The following AFTPH variants were observed in gnomAD, a reference collection of about 807,000 sequenced individuals.
AFTPH encodes the protein aftiphilin.
A neutral mutation model predicts 72.5 loss-of-function variants in AFTPH; 7 were observed. That is an observed-to-expected ratio of 0.10 (90% CI 0.05 to 0.18). The LOEUF is 0.18. Among genes scored for constraint, AFTPH ranks in the 10% least tolerant of loss-of-function variants. AFTPH has a pLI of 1.00. For synonymous variants in AFTPH, 337 were observed against 370.1 expected (o/e 0.91, Z 1.03); for missense variants, 979 against 1,060.5 (o/e 0.92, Z 1.07).
In AFTPH at chr2:64,559,386, G is replaced by A. The variant is rs577810477; in HGVS notation, c.1935+5977G>A. On this transcript the variant is annotated intron_variant, in intron 2 of 8. Coordinates refer to ENST00000238856, the Ensembl canonical transcript of AFTPH. ...CAAAAGCCACAGTGCATAAGCTGGA[G>A]ACCCAAGAGCTGATGGTGTAGTTCC... Among the ~76,000 whole-genome samples, 15 of 152,280 alleles carry A rather than the reference G, an allele frequency of 9.9e-5. No individual in the cohort carries two copies. The East Asian group carries it at 2.9e-3, about 29-fold the overall frequency.
At chr2:64,581,165 A>T in intron 7 of AFTPH, 25 bp from the exon 8 acceptor site, 1 of 1,567,604 alleles carries the variant, frequency 6.4e-7, no homozygotes, top group Non-Finnish European at 8.7e-7. Context: ...GTGGCTGCCT[A>T]CCAACACGGT....
At chr2:64,578,187 T>C (rs2104160924) in intron 6 of AFTPH, among the ~76,000 whole-genome samples, 1 of 151,732 alleles carries the variant, frequency 6.6e-6, no homozygotes, top group East Asian at 1.9e-4. Flanking sequence ...TATCATGGAG[T>C]TAGACTTTAC....
chr2:64,536,951 CAAAAAAAAAAAA>C (rs70937353), intron 1 of AFTPH, among the ~76,000 whole-genome samples: 8 of 81,796 alleles, frequency 9.8e-5, no homozygotes, highest in African/African-American at 2.1e-4. Context: ...GACTCTGTCT[CAAAAAAAAAAAA>C]AAAAAAAAAA....
chr2:64,534,933 A>C (rs2103823159), intron 1 of AFTPH, among the ~76,000 whole-genome samples: 1 of 152,248 alleles, frequency 6.6e-6, no homozygotes, highest in East Asian at 1.9e-4. Context: ...AAATTGTCAC[A>C]GTGCTTTAAC....
At chr2:64,553,742 CGG>C (rs1671195266) in intron 2 of AFTPH, among the ~76,000 whole-genome samples, 1 of 147,084 alleles carries the variant, frequency 6.8e-6, no homozygotes, top group Non-Finnish European at 1.5e-5. Context: ...ACCTAATTGA[CGG>C]TTCCAGTCAA....
At chr2:64,549,302 T>G (rs149318729) in intron 1 of AFTPH, among the ~76,000 whole-genome samples, 51 of 143,234 alleles carry the variant, frequency 3.6e-4, no homozygotes, top group Middle Eastern at 3.6e-3. Context: ...TGGCTGTTAG[T>G]CCTCCCTTTT....
chr2:64,544,922 A>G (rs1407266682), intron 1 of AFTPH, among the ~76,000 whole-genome samples: 2 of 152,138 alleles, frequency 1.3e-5, no homozygotes, highest in Non-Finnish European at 2.9e-5. Flanking sequence ...AAATATGAAA[A>G]TGTTTTTACT....
At chr2:64,543,414 A>G (rs1027019498) in intron 1 of AFTPH, among the ~76,000 whole-genome samples, 2 of 152,224 alleles carry the variant, frequency 1.3e-5, no homozygotes, top group African/African-American at 4.8e-5. Flanking sequence ...TTCTGTAATC[A>G]GTGTTTCTGT....
chr2:64,540,206 T>C (rs1670151475), intron 1 of AFTPH, among the ~76,000 whole-genome samples: 1 of 152,188 alleles, frequency 6.6e-6, no homozygotes, highest in Non-Finnish European at 1.5e-5. Context: ...GACTAATTTA[T>C]TCTGCATCTA....
chr2:64,582,414 C>G (rs1673263230), intron 7 of AFTPH, among the ~76,000 whole-genome samples: 1 of 152,126 alleles, frequency 6.6e-6, no homozygotes, highest in Non-Finnish European at 1.5e-5. Flanking sequence ...GTTCCAAGGT[C>G]ATTTGGTATA....
chr2:64,536,443 G>A (rs529989295), intron 1 of AFTPH, among the ~76,000 whole-genome samples: 1 of 151,826 alleles, frequency 6.6e-6, no homozygotes, highest in Non-Finnish European at 1.5e-5. Flanking sequence ...GCACAGGCCT[G>A]TAATCCCAGC....
At chr2:64,532,797 A>C (rs1370474350) in intron 1 of AFTPH, among the ~76,000 whole-genome samples, 1 of 152,110 alleles carries the variant, frequency 6.6e-6, no homozygotes, top group Non-Finnish European at 1.5e-5. Flanking sequence ...GGTAGATGAA[A>C]TTGTTTTGGG....
chr2:64,558,991 G>A (rs1241053743), intron 2 of AFTPH, among the ~76,000 whole-genome samples: 3 of 152,126 alleles, frequency 2.0e-5, no homozygotes, highest in Admixed American at 1.3e-4. Flanking sequence ...GTGGACATAC[G>A]GAAAATGTGC....
chr2:64,532,438 A>T (rs1669679423), intron 1 of AFTPH, among the ~76,000 whole-genome samples: 1 of 152,198 alleles, frequency 6.6e-6, no homozygotes, highest in Admixed American at 6.5e-5. Context: ...CTACTTAGGG[A>T]GATTAGTTTA....
At chr2:64,581,147 C>T (rs1180383382) in intron 7 of AFTPH, 43 bp from the exon 8 acceptor site, 4 of 1,491,554 alleles carry the variant, frequency 2.7e-6, no homozygotes, top group Non-Finnish European at 2.7e-6. Flanking sequence ...CCTTGGCTTA[C>T]CTTCTGTGTG....
chr2:64,577,678 A>T (rs1436305313), intron 6 of AFTPH, among the ~76,000 whole-genome samples: 2 of 152,228 alleles, frequency 1.3e-5, no homozygotes, highest in African/African-American at 2.4e-5. Context: ...TTTTATGATC[A>T]GCTAAAGAAG....
intron 6 of AFTPH, among the ~76,000 whole-genome samples, chr2:64,574,505 G>C (rs1473335165): frequency 1.3e-5 from 2 of 152,320 alleles, no homozygotes; most frequent in East Asian, 1.9e-4. Flanking sequence ...GAGGAGAGGG[G>C]AGTGGTAGCA....
At chr2:64,556,667 AAT>A (rs1227634263) in intron 2 of AFTPH, among the ~76,000 whole-genome samples, 2 of 152,166 alleles carry the variant, frequency 1.3e-5, no homozygotes, top group Non-Finnish European at 2.9e-5. Context: ...AATGTTAATA[AAT>A]ATGTCTTCGT....
intron 3 of AFTPH, 110 bp from the exon 4 acceptor site, chr2:64,568,982 A>AC (rs1231993517): frequency 8.6e-7 from 1 of 1,165,702 alleles, no homozygotes; most frequent in African/African-American, 1.5e-5. Flanking sequence ...CTTACGTTGG[A>AC]CCCAAGAGTA....
Sources: gnomAD v4.1 joint callset for allele counts (sites outside exome capture counted in the v4.1 genomes callset) on GRCh38, gnomAD v4.1.1 for gene constraint, MANE v1.5 for transcripts, NCBI Gene and HGNC (gene_info 2026-07-23, HGNC 2026-07-21) for gene names.